Variants in PRDM1 observed in about 807,000 individuals in gnomAD.
PRDM1 encodes the protein PR domain zinc finger protein 1.
Under a neutral mutation model 62.8 loss-of-function variants are expected in PRDM1, and 13 were observed. The ratio of observed to expected loss-of-function variants is 0.21; its 90% CI spans 0.13 to 0.33. The LOEUF (loss-of-function observed/expected upper bound fraction) is 0.33. Among genes scored for constraint, PRDM1 ranks in the 10% least tolerant of loss-of-function variants. The pLI is 1.00. For missense variants in PRDM1, 895 were observed against 1,058.8 expected, an observed-to-expected ratio of 0.85 and a Z score of 2.15; for synonymous variants, 396 against 417.6, an observed-to-expected ratio of 0.95 and a Z score of 0.63.
At chr6:106,001,209 C>T (rs1772420608) in intron 1 of PRDM1, among the ~76,000 whole-genome samples, 1 of 152,128 alleles carries the variant, frequency 6.6e-6, no homozygotes, top group Admixed American at 6.5e-5. Flanking sequence ...ATCCTTTGCT[C>T]ATTTTTTATT....
intron 1 of PRDM1, among the ~76,000 whole-genome samples, chr6:106,038,655 C>T (rs1027311915): frequency 1.3e-4 from 20 of 152,194 alleles, no homozygotes; most frequent in African/African-American, 4.3e-4. Context: ...AATCAGTGAT[C>T]AAGACATAGA....
upstream of PRDM1, among the ~76,000 whole-genome samples, chr6:106,045,255 A>T (rs1773056101): frequency 1.3e-5 from 2 of 152,194 alleles, no homozygotes; most frequent in Admixed American, 1.3e-4. Context: ...GCTATTGCAC[A>T]AGTCGCAGAG....
chr6:106,020,152 C>A (rs1404627374), intron 1 of PRDM1, among the ~76,000 whole-genome samples: 2 of 142,896 alleles, frequency 1.4e-5, no homozygotes, highest in African/African-American at 5.2e-5. Flanking sequence ...CACTTGAACC[C>A]AGGAGGGGAA....
intron 1 of PRDM1, among the ~76,000 whole-genome samples, chr6:106,023,720 C>T (rs1037864021): frequency 6.6e-6 from 1 of 152,182 alleles, no homozygotes; most frequent in Non-Finnish European, 1.5e-5. Context: ...GCAATTGTCC[C>T]AGAGCTGGAC....
intron 2 of PRDM1, among the ~76,000 whole-genome samples, chr6:106,093,060 A>G (rs961810370): frequency 6.6e-6 from 1 of 152,200 alleles, no homozygotes; most frequent in African/African-American, 2.4e-5. Flanking sequence ...CCTCTCTTCT[A>G]CCACAGAGCC....
At chr6:106,085,963 ATTTG>A (rs1262928638), upstream of PRDM1, among the ~76,000 whole-genome samples, 1 of 152,038 alleles carries the variant, frequency 6.6e-6, no homozygotes, top group Non-Finnish European at 1.5e-5. Flanking sequence ...TTGAAGTAAG[ATTTG>A]TGTCTTTTGT....
Position 106,086,480 on chromosome 6 carries a change from G to A in PRDM1, c.-74G>A, listed in dbSNP as rs1305261363. The A allele has an allele frequency of 1.0e-5, 15 of 1,451,508 alleles. No homozygotes were observed. The highest frequency in any genetic ancestry group is 1.4e-5 in the African/African-American group (1 of 70,298). 89.9% of individuals were successfully genotyped at this position (1,451,508 alleles called of 1,614,324 possible). A position where few individuals can be genotyped will look rare whatever the true frequency, so the allele number is the denominator to read the frequency against. ...GCGAGGAGGGACCGCCGAGGTGCGC[G>A]TCTGTGCGGCTCAGCCTGGCGGGGG... On this transcript the variant is annotated 5_prime_UTR_variant, in exon 1 of 7. Coordinates refer to ENST00000369096, the MANE Select transcript of PRDM1 (RefSeq NM_001198.4).
At chr6:106,070,557 A>T (rs1773494466) in intron 1 of PRDM1, among the ~76,000 whole-genome samples, 1 of 151,318 alleles carries the variant, frequency 6.6e-6, no homozygotes. Flanking sequence ...TTCCCTGTGG[A>T]TATATTTCTA....
intron 1 of PRDM1, among the ~76,000 whole-genome samples, chr6:106,065,683 A>AT (rs1337826306): frequency 1.3e-5 from 2 of 152,198 alleles, no homozygotes; most frequent in African/African-American, 4.8e-5. Flanking sequence ...TGATTATGTT[A>AT]TTTGTAGTTT....
intron 1 of PRDM1, among the ~76,000 whole-genome samples, chr6:106,033,253 C>G (rs1204308538): frequency 6.6e-6 from 1 of 151,776 alleles, no homozygotes; most frequent in Non-Finnish European, 1.5e-5. Context: ...GATACCCCAC[C>G]ACCACCTCAG....
chr6:106,092,170 T>C (rs1410713955), intron 2 of PRDM1, among the ~76,000 whole-genome samples: 1 of 129,374 alleles, frequency 7.7e-6, no homozygotes. Flanking sequence ...GTCCTTGTTA[T>C]CAGCCTTCCA....
At chr6:106,054,272 C>A (rs1035179811) in intron 1 of PRDM1, among the ~76,000 whole-genome samples, 6 of 149,178 alleles carry the variant, frequency 4.0e-5, no homozygotes, top group Non-Finnish European at 5.9e-5. Flanking sequence ...ATTTTAAATG[C>A]TTTTTGACTC....
rs947814240 is a variant in PRDM1 at position 106,108,671 on chromosome 6, G to A, written c.*1185G>A. 1.3e-5 allele frequency: 3 copies of A among 233,106 alleles called. No individual in the cohort carries two copies. The highest frequency in any genetic ancestry group is 5.6e-5 in the Admixed American group (1 of 17,712). The allele number at this position is 233,106 out of a possible 1,614,324, so 14.4% of individuals were successfully genotyped here. On this transcript the variant is annotated 3_prime_UTR_variant, in exon 7 of 7. Coordinates refer to ENST00000369096, the MANE Select transcript of PRDM1 (RefSeq NM_001198.4). ...ATTCTAGTCATCTTGGGGTAAAAGC[G>A]GGTAATGAACATTCCTATCCCCAAC...
intron 1 of PRDM1, among the ~76,000 whole-genome samples, chr6:106,074,795 C>G (rs969252467): frequency 2.0e-5 from 3 of 152,040 alleles, no homozygotes; most frequent in African/African-American, 7.3e-5. Context: ...GTCAACGTGG[C>G]GAAACCCCAT....
At position 106,088,438 on chromosome 6, in the gene PRDM1, A is replaced by T. The variant is rs547494610; in HGVS notation, c.280A>T (p.Asn94Tyr). 6.2e-7 allele frequency: 1 copy of T among 1,614,192 alleles called. No individual in the cohort carries two copies. Among genetic ancestry groups the T allele is most frequent in the East Asian group, 2.2e-5 (1 of 44,888 alleles). Residue 94 changes from asparagine to tyrosine, a missense_variant, in exon 2 of 7, where the codon AAC becomes TAC. Physicochemically the swap from Asn to Tyr is moderately radical, Grantham distance 143. Coordinates refer to ENST00000369096, the MANE Select transcript of PRDM1 (RefSeq NM_001198.4). Reference protein sequence around the residue: ...PRNLLFKYATNSEEVIGVMSK... With the variant: ...PRNLLFKYATYSEEVIGVMSK... The stretch of plus-strand genomic sequence containing the variant: ...GAATCTGCTTTTCAAGTATGCCACC[A>T]ACAGTGAAGAGGTAAGCCTCTGGTT...
intron 2 of PRDM1, among the ~76,000 whole-genome samples, chr6:106,094,203 G>A (rs770145125): frequency 2.6e-5 from 4 of 152,162 alleles, no homozygotes; most frequent in Non-Finnish European, 4.4e-5. Context: ...GAGCTACTGG[G>A]AATATAAAAA....
intron 1 of PRDM1, among the ~76,000 whole-genome samples, chr6:106,021,761 C>T (rs1254197600): frequency 6.6e-6 from 1 of 152,188 alleles, no homozygotes. Flanking sequence ...GCTGGGATTA[C>T]AGGCACGCGC....
intron 1 of PRDM1, among the ~76,000 whole-genome samples, chr6:106,023,808 G>T (rs1032350303): frequency 6.6e-6 from 1 of 152,174 alleles, no homozygotes; most frequent in African/African-American, 2.4e-5. Flanking sequence ...CATTTCAAAA[G>T]TGACCAGAAT....
intron 1 of PRDM1, among the ~76,000 whole-genome samples, chr6:106,010,801 A>G (rs1333805522): frequency 6.6e-6 from 1 of 152,168 alleles, no homozygotes; most frequent in East Asian, 1.9e-4. Context: ...ACTTTTGGCC[A>G]AGAACCTGCA....
Sources: allele counts gnomAD v4.1 joint callset (sites outside exome capture counted in the v4.1 genomes callset), GRCh38; gene constraint gnomAD v4.1.1; transcripts MANE v1.5; gene names NCBI Gene and HGNC (gene_info 2026-07-23, HGNC 2026-07-21).